CRMP1: variants seen among roughly 807,000 people sequenced by gnomAD.
CRMP1 encodes dihydropyrimidinase-related protein 1.
A neutral mutation model predicts 68.3 loss-of-function variants in CRMP1; 19 were observed. That is an observed-to-expected ratio of 0.28 (90% CI 0.19 to 0.41). The LOEUF is 0.41. Ranked by LOEUF, CRMP1 falls within the 10% of genes least tolerant of loss-of-function variation. CRMP1 has a pLI of 1.00. For synonymous variants in CRMP1, 439 were observed against 399.6 expected (o/e 1.10, Z -1.18); for missense variants, 791 against 967.4 (o/e 0.82, Z 2.42).
In CRMP1 at chr4:5,864,789, G is replaced by A. The variant is rs560045672; in HGVS notation, c.470+1879C>T. 1.1e-3 allele frequency among the ~76,000 whole-genome samples: 169 copies of A among 152,300 alleles called. 1 individual carries two copies. The highest frequency in any genetic ancestry group is 3.4e-3 in the Middle Eastern group (1 of 294). The stretch of plus-strand genomic sequence containing the variant: ...AGGGACAGGGGAAAAGGTGTTCCAG[G>A]CAGGGGACTGATGGGTGCAAGGCTC... On this transcript the variant is annotated intron_variant, in intron 2 of 13. Transcript: ENST00000324989.
At chr4:5,828,728 A>G (rs925330469) in intron 11 of CRMP1, 60 bp from the exon 12 acceptor site, 3 of 1,562,206 alleles carry the variant, frequency 1.9e-6, no homozygotes, top group African/African-American at 2.7e-5. Context: ...CGAGCTGTTC[A>G]TAACAGCGAT....
At chr4:5,822,717 G>A (rs1389534132) in intron 13 of CRMP1, among the ~76,000 whole-genome samples, 2 of 152,186 alleles carry the variant, frequency 1.3e-5, no homozygotes, top group Non-Finnish European at 2.9e-5. Flanking sequence ...TGAGCCGGCG[G>A]AACTGAGGAA....
chr4:5,839,807 C>T (rs1560494098), intron 8 of CRMP1, 129 bp from the exon 9 acceptor site: 1 of 1,107,606 alleles, frequency 9.0e-7, no homozygotes, highest in Non-Finnish European at 1.3e-6. Context: ...GGCCACCGTT[C>T]TTGCAGGCAT....
At chr4:5,840,934 T>C (rs983456376) in intron 8 of CRMP1, among the ~76,000 whole-genome samples, 9 of 151,914 alleles carry the variant, frequency 5.9e-5, no homozygotes, top group African/African-American at 2.2e-4. Context: ...ACCAATAACC[T>C]GAGGCTGTGG....
chr4:5,855,022 CATTAT>C lies in CRMP1; in HGVS notation c.820+1116_820+1120del, dbSNP rs553544051. 1.6e-3 allele frequency among the ~76,000 whole-genome samples: 243 copies of C among 152,082 alleles called. No individual in the cohort carries two copies. Among genetic ancestry groups the C allele is most frequent in the Middle Eastern group, 0.01 (3 of 294 alleles). ...AAAGAAAATAGCTAAGCAAATTAAC[CATTAT>C]ATTATACATTACAAGCCATTAAAAA... On this transcript the variant is annotated intron_variant, in intron 4 of 13. Transcript: ENST00000324989. The surrounding 1 kb of genome is among the most constrained non-coding windows in gnomAD (Gnocchi z 4.9).
rs964198884 is a variant in CRMP1, at chr4:5,855,162, G to T, written c.820+981C>A. 5.3e-5 allele frequency among the ~76,000 whole-genome samples: 8 copies of T among 152,128 alleles called. No homozygotes were observed. In the South Asian group the frequency reaches 1.0e-3, roughly 20 times the overall value. On this transcript the variant is annotated intron_variant, in intron 4 of 13. Transcript: ENST00000324989. The surrounding 1 kb of genome is among the most constrained non-coding windows in gnomAD (Gnocchi z 4.9). ...GGGGAAAAATCATCCAAATACACAG[G>T]GAATGGAAAGCAATAATCCTGCACA...
rs1269176826 is a variant in CRMP1, at chr4:5,883,775, T to TA, written c.381+8813dup. On this transcript the variant is annotated intron_variant, in intron 1 of 13. Coordinates refer to ENST00000324989, the MANE Select transcript of CRMP1 (RefSeq NM_001014809.3). The surrounding 1 kb of genome is among the most constrained non-coding windows in gnomAD (Gnocchi z 4.5). The stretch of plus-strand genomic sequence containing the variant: ...TTTTCAGAACAGAGCTATGACCTGT[T>TA]AGATATTTACTATGTGCCATGCACA... Among the ~76,000 whole-genome samples the TA allele has an allele frequency of 1.3e-5, 2 of 152,186 alleles. No individual in the cohort carries two copies. The highest frequency in any genetic ancestry group is 2.9e-5 in the Non-Finnish European group (2 of 68,036).
rs779811572 is a variant in CRMP1, at chr4:5,841,327, G to A, written c.1134C>T (p.Ile378=). The A allele has an allele frequency of 8.7e-6, 14 of 1,613,848 alleles. No individual in the cohort carries two copies. The highest frequency in any genetic ancestry group is 4.0e-5 in the African/African-American group (3 of 74,884). ...KVMSKSAADI[I]ALARKKGPLV... ...GCATACCTTTCTTCCTGGCCAGAGC[G>A]ATGATGTCGGCTGCACTCTTGCTCA... Residue 378 remains isoleucine, a synonymous_variant, in exon 8 of 14, where the codon ATC becomes ATT. Coordinates refer to ENST00000324989, the MANE Select transcript of CRMP1 (RefSeq NM_001014809.3). The surrounding 1 kb of genome is among the most constrained non-coding windows in gnomAD (Gnocchi z 6.9).
intron 13 of CRMP1, among the ~76,000 whole-genome samples, chr4:5,823,331 C>T (rs75457809): frequency 0.026 from 3,886 of 152,302 alleles, 144 homozygotes; most frequent in African/African-American, 0.088. Context: ...TGTCTTCTTG[C>T]AATACAAGTC....
chr4:5,855,949 C>G lies in CRMP1; in HGVS notation c.820+194G>C, dbSNP rs1283966032. Among the ~76,000 whole-genome samples the G allele has an allele frequency of 6.6e-6, 1 of 152,126 alleles. No individual in the cohort carries two copies. The stretch of plus-strand genomic sequence containing the variant: ...TCTGCTTCTGAGAACAAGGACACCC[C>G]CAGAGGTTTTCAAGGAGAAAAGGAT... On this transcript the variant is annotated intron_variant, in intron 4 of 13. Transcript: ENST00000324989. The surrounding 1 kb of genome is among the most constrained non-coding windows in gnomAD (Gnocchi z 4.9).
chr4:5,863,614 T>TC (rs1038683554), intron 2 of CRMP1, among the ~76,000 whole-genome samples: 2 of 151,694 alleles, frequency 1.3e-5, no homozygotes, highest in African/African-American at 2.4e-5. Context: ...CAGACGCCCC[T>TC]CCCCCAACAC....
intron 13 of CRMP1, chr4:5,824,825 C>T (rs1719286104): frequency 4.1e-6 from 4 of 985,428 alleles, no homozygotes; most frequent in Non-Finnish European, 4.8e-6. Context: ...GTTCAACTTT[C>T]TCAACGTGTG....
chr4:5,889,405 G>A lies in CRMP1; in HGVS notation c.381+3184C>T, dbSNP rs1054732699. 6.6e-6 allele frequency among the ~76,000 whole-genome samples: 1 copy of A among 152,160 alleles called. No individual in the cohort carries two copies. The highest frequency in any genetic ancestry group is 1.9e-4 in the East Asian group (1 of 5,184). ...AAGCTGGGGGTCAGGAGGAGGACTA[G>A]GGTGCTCCTGCCTCCCAGCACTGTG... On this transcript the variant is annotated intron_variant, in intron 1 of 13. Coordinates refer to ENST00000324989, the MANE Select transcript of CRMP1 (RefSeq NM_001014809.3). This position sits in a 1 kb window ranked among gnomAD's most constrained non-coding sequence, Gnocchi z 4.5.
At chr4:5,835,683 AGAGAG>A (rs1315122753) in intron 11 of CRMP1, among the ~76,000 whole-genome samples, 1 of 152,162 alleles carries the variant, frequency 6.6e-6, no homozygotes, top group Non-Finnish European at 1.5e-5. Flanking sequence ...AGAGACAGAG[AGAGAG>A]GAGAGGAAGA....
At position 5,860,113 on chromosome 4, in the gene CRMP1, C is replaced by T. The variant is rs1021213173; in HGVS notation, c.655+913G>A. On this transcript the variant is annotated intron_variant, in intron 3 of 13. Coordinates refer to ENST00000324989, the MANE Select transcript of CRMP1 (RefSeq NM_001014809.3). The surrounding 1 kb of genome is among the most constrained non-coding windows in gnomAD (Gnocchi z 4.2). ...GTGGTCTCACTGCCCGCAGTGTTTC[C>T]TTCCCTCCCCAACCTCACCAGGGCT... is the stretch of plus-strand genomic sequence containing the variant. 4.6e-5 allele frequency among the ~76,000 whole-genome samples: 7 copies of T among 152,222 alleles called. No homozygotes were observed. The highest frequency in any genetic ancestry group is 1.7e-4 in the African/African-American group (7 of 41,550).
In CRMP1 at chr4:5,842,788, C is replaced by T. The variant is rs904779669; in HGVS notation, c.1032+305G>A. On this transcript the variant is annotated intron_variant, in intron 7 of 13. Coordinates refer to ENST00000324989, the MANE Select transcript of CRMP1 (RefSeq NM_001014809.3). The surrounding 1 kb of genome is among the most constrained non-coding windows in gnomAD (Gnocchi z 4.5). ...CTCCTGGGTGCTGGGCTTGGGCATG[C>T]GGCTCCACTTTCCTATTATCCACTA... Among the ~76,000 whole-genome samples, 2 of 152,148 alleles carry T rather than the reference C, an allele frequency of 1.3e-5. No individual in the cohort carries two copies. Among genetic ancestry groups the T allele is most frequent in the African/African-American group, 4.8e-5 (2 of 41,440 alleles).
intron 6 of CRMP1, among the ~76,000 whole-genome samples, chr4:5,848,271 C>G (rs1712370179): frequency 6.6e-6 from 1 of 152,100 alleles, no homozygotes; most frequent in African/African-American, 2.4e-5. Flanking sequence ...AGCCTCACAC[C>G]TGATAATGGC....
At chr4:5,863,512 C>T (rs1275264209) in intron 2 of CRMP1, among the ~76,000 whole-genome samples, 1 of 152,096 alleles carries the variant, frequency 6.6e-6, no homozygotes, top group Non-Finnish European at 1.5e-5. Flanking sequence ...AACGGGACCC[C>T]CAGTGAATCA....
rs1432075930 is a variant in CRMP1 at position 5,850,770 on chromosome 4, A to G, written c.882+638T>C. ...CCACACTAACAAGCAGAGCAAGGGA[A>G]ACTGACAATGAAACAAAACTAGGAG... On this transcript the variant is annotated intron_variant, in intron 5 of 13. Coordinates refer to ENST00000324989, the MANE Select transcript of CRMP1 (RefSeq NM_001014809.3). The surrounding 1 kb of genome is among the most constrained non-coding windows in gnomAD (Gnocchi z 4.4). Among the ~76,000 whole-genome samples, 1 of 152,226 alleles carries G rather than the reference A, an allele frequency of 6.6e-6. No individual in the cohort carries two copies. Among genetic ancestry groups the G allele is most frequent in the African/African-American group, 2.4e-5 (1 of 41,476 alleles).
Sources: allele counts gnomAD v4.1 joint callset (sites outside exome capture counted in the v4.1 genomes callset), GRCh38; gene constraint gnomAD v4.1.1; non-coding constraint Gnocchi (gnomAD v3.1); transcripts MANE v1.5; gene names NCBI Gene and HGNC (gene_info 2026-07-23, HGNC 2026-07-21).